Variants in IKZF1 observed in about 807,000 individuals in gnomAD.
The protein encoded by IKZF1 is IKAROS family zinc finger 1, also known as DNA-binding protein Ikaros.
A neutral mutation model predicts 51.7 loss-of-function variants in IKZF1; 10 were observed. The ratio of observed to expected loss-of-function variants is 0.19; its 90% CI spans 0.12 to 0.33. The LOEUF is 0.33. Ranked by LOEUF, IKZF1 falls within the 10% of genes least tolerant of loss-of-function variation. The probability of loss-of-function intolerance (pLI) is 1.00; values close to 1 mark genes in which losing one functional copy is unlikely to be tolerated. For missense variants in IKZF1, 484 were observed against 707.5 expected (o/e 0.68, Z 3.58); for synonymous variants, 280 against 282.3 (o/e 0.99, Z 0.08).
At chr7:50,387,510 C>T (rs2153488514) in intron 6 of IKZF1, 40 bp downstream of exon 6, 2 of 1,572,802 alleles carry the variant, frequency 1.3e-6, no homozygotes, top group Non-Finnish European at 8.6e-7. Flanking sequence ...GTGGGCTCTC[C>T]CCCCAGCACG....
At chr7:50,316,949 T>C (rs901086410) in intron 1 of IKZF1, among the ~76,000 whole-genome samples, 1 of 152,246 alleles carries the variant, frequency 6.6e-6, no homozygotes, top group Admixed American at 6.5e-5. Flanking sequence ...AAAATGATGA[T>C]GGTGGTGTGT....
chr7:50,315,510 A>G (rs1055751980), intron 1 of IKZF1, among the ~76,000 whole-genome samples: 4 of 152,232 alleles, frequency 2.6e-5, no homozygotes, highest in African/African-American at 9.6e-5. Context: ...TCAGAACTGC[A>G]TGCTCCAAAA....
chr7:50,384,521 G>T (rs922052048), intron 5 of IKZF1, among the ~76,000 whole-genome samples: 2 of 152,262 alleles, frequency 1.3e-5, no homozygotes, highest in African/African-American at 4.8e-5. Context: ...CACTTGCCTT[G>T]TTACAGAGGG....
intron 5 of IKZF1, among the ~76,000 whole-genome samples, 154 bp downstream of exon 5, chr7:50,382,861 T>G (rs1387914429): frequency 6.6e-6 from 1 of 152,020 alleles, no homozygotes; most frequent in Non-Finnish European, 1.5e-5. Flanking sequence ...TTCTTTGACA[T>G]TGCCCCATCC....
chr7:50,387,507 C>G (rs370074724), intron 6 of IKZF1, 37 bp downstream of exon 6: 15 of 1,585,470 alleles, frequency 9.5e-6, no homozygotes, highest in Non-Finnish European at 1.2e-5. Flanking sequence ...CTGGTGGGCT[C>G]TCCCCCCAGC....
chr7:50,342,173 C>A (rs2153417283), intron 3 of IKZF1, among the ~76,000 whole-genome samples: 1 of 152,288 alleles, frequency 6.6e-6, no homozygotes, highest in South Asian at 2.1e-4. Flanking sequence ...AATCTAGGTC[C>A]AGTCCAATTT....
At position 50,387,219 on chromosome 7, in the gene IKZF1, A is replaced by C. The variant is rs959862734; in HGVS notation, c.590-126A>C. 1.3e-5 allele frequency: 17 copies of C among 1,305,162 alleles called. No individual in the cohort carries two copies. The African/African-American group carries it at 2.6e-4, about 20-fold the overall frequency. 80.8% of individuals were successfully genotyped at this position (1,305,162 alleles called of 1,614,324 possible). A position where few individuals can be genotyped will look rare whatever the true frequency, so the allele number is the denominator to read the frequency against. On this transcript the variant is annotated intron_variant, in intron 5 of 7. Transcript: ENST00000331340. The stretch of plus-strand genomic sequence containing the variant: ...TCAGGAATTTCACCAAGTCCGTAAC[A>C]GTTTTAGCTCTCAAGGGTAGAATTT...
At chr7:50,355,619 G>GAATGAATAAATA (rs1554349865) in intron 3 of IKZF1, among the ~76,000 whole-genome samples, 1 of 147,404 alleles carries the variant, frequency 6.8e-6, no homozygotes, top group Non-Finnish European at 1.5e-5. Context: ...GTTAGCTTGC[G>GAATGAATAAATA]AATAAATAAA....
At chr7:50,365,340 A>G (rs561540648) in intron 3 of IKZF1, among the ~76,000 whole-genome samples, 1 of 152,380 alleles carries the variant, frequency 6.6e-6, no homozygotes, top group African/African-American at 2.4e-5. Flanking sequence ...CTCTGGAGAC[A>G]TGAAACAAAC....
At position 50,401,177 on chromosome 7, in the gene IKZF1, T is replaced by G. The variant is rs1818052803; in HGVS notation, c.*550T>G. ...GTGCCCAGGCCAGCTTCGAGCTACATGCATCTAGGGCGGAGAGGCTGCACT... is the reference window on the plus strand; with the variant it reads ...GTGCCCAGGCCAGCTTCGAGCTACAGGCATCTAGGGCGGAGAGGCTGCACT... On this transcript the variant is annotated 3_prime_UTR_variant, in exon 8 of 8. Coordinates refer to ENST00000331340, the MANE Select transcript of IKZF1 (RefSeq NM_006060.6). The G allele has an allele frequency of 8.3e-6, 2 of 240,654 alleles. No homozygotes were observed. Among genetic ancestry groups the G allele is most frequent in the Middle Eastern group, 1.2e-3 (1 of 830 alleles). 14.9% of individuals were successfully genotyped at this position (240,654 alleles called of 1,614,324 possible).
At chr7:50,339,215 T>TTGTGTGTGTGTGTGTGTGTG (rs1158908841) in intron 3 of IKZF1, among the ~76,000 whole-genome samples, 1 of 126,404 alleles carries the variant, frequency 7.9e-6, no homozygotes, top group African/African-American at 3.0e-5. Flanking sequence ...TTGGGTAGGG[T>TTGTGTGTGTGTGTGTGTGTG]TGTGTGTGTG....
intron 3 of IKZF1, among the ~76,000 whole-genome samples, chr7:50,370,249 T>A (rs1808259905): frequency 6.6e-6 from 1 of 152,212 alleles, no homozygotes; most frequent in Admixed American, 6.5e-5. Context: ...AAACATTTAC[T>A]TTTTCAGTAA....
intron 7 of IKZF1, 94 bp from the exon 8 acceptor site, chr7:50,399,824 T>C: frequency 6.7e-7 from 1 of 1,498,968 alleles, no homozygotes; most frequent in Non-Finnish European, 8.9e-7. Flanking sequence ...GTGTTCCCCT[T>C]CCCCTCCCCG....
At chr7:50,329,180 C>CAAAAAA (rs1314087821) in intron 3 of IKZF1, among the ~76,000 whole-genome samples, 1 of 148,772 alleles carries the variant, frequency 6.7e-6, no homozygotes. Flanking sequence ...TTTTTTAACT[C>CAAAAAA]AGCAGCACAG....
Position 50,387,581 on chromosome 7 carries a change from C to A in IKZF1, c.715+111C>A, listed in dbSNP as rs1813764745. 4 of 1,386,210 alleles carry A rather than the reference C, an allele frequency of 2.9e-6. No individual in the cohort carries two copies. The East Asian group carries it at 1.1e-4, about 39-fold the overall frequency. The allele number at this position is 1,386,210 out of a possible 1,614,324, so 85.9% of individuals were successfully genotyped here. A position where few individuals can be genotyped will look rare whatever the true frequency, so the allele number is the denominator to read the frequency against. ...AGCAGAGCCTTGGGCCTGCTTCCTG[C>A]CGGGGCTAGGAGGGAGGGAAGTTTT... On this transcript the variant is annotated intron_variant, in intron 6 of 7. Coordinates refer to ENST00000331340, the MANE Select transcript of IKZF1 (RefSeq NM_006060.6).
intron 1 of IKZF1, among the ~76,000 whole-genome samples, chr7:50,307,745 T>C (rs1018006813): frequency 3.9e-5 from 6 of 152,198 alleles, no homozygotes; most frequent in African/African-American, 7.2e-5. Flanking sequence ...ACATGTACAT[T>C]TTTGATCTAG....
chr7:50,349,274 A>G (rs1056463358), intron 3 of IKZF1, among the ~76,000 whole-genome samples: 3 of 152,218 alleles, frequency 2.0e-5, no homozygotes, highest in Admixed American at 6.5e-5. Context: ...ATCTGACTAT[A>G]TAGCTACTAT....
chr7:50,358,464 G>A (rs970315907), intron 3 of IKZF1, among the ~76,000 whole-genome samples: 4 of 152,212 alleles, frequency 2.6e-5, no homozygotes, highest in African/African-American at 4.8e-5. Context: ...AGCTAATGGC[G>A]GGGACCTGGC....
chr7:50,374,231 C>G (rs77649750), intron 3 of IKZF1, among the ~76,000 whole-genome samples: 5,625 of 152,302 alleles, frequency 0.037, 419 homozygotes, highest in East Asian at 0.19. Context: ...ATTCAACCCA[C>G]TGTGGCTTGA....
Sources: gnomAD v4.1 joint callset for allele counts (sites outside exome capture counted in the v4.1 genomes callset) on GRCh38, gnomAD v4.1.1 for gene constraint, MANE v1.5 for transcripts, NCBI Gene and HGNC (gene_info 2026-07-23, HGNC 2026-07-21) for gene names.